MAP4: variants seen among roughly 807,000 people sequenced by gnomAD.
The protein encoded by MAP4 is microtubule-associated protein 4.
In MAP4, 76 loss-of-function variants were observed where a neutral mutation model predicts 170.2. The ratio of observed to expected loss-of-function variants is 0.45; its 90% CI spans 0.37 to 0.54. MAP4 has a LOEUF of 0.54. Among genes scored for constraint, MAP4 ranks in the 20% least tolerant of loss-of-function variants. The probability of loss-of-function intolerance (pLI) is 0.00; values close to 1 mark genes in which losing one functional copy is unlikely to be tolerated. For synonymous variants in MAP4, 909 were observed against 994.5 expected, an observed-to-expected ratio of 0.91 and a Z score of 1.62; for missense variants, 2,506 against 2,748.0, an observed-to-expected ratio of 0.91 and a Z score of 1.97.
intron 3 of MAP4, among the ~76,000 whole-genome samples, chr3:47,942,784 A>C (rs1455578835): frequency 2.6e-5 from 4 of 152,286 alleles, no homozygotes; most frequent in African/African-American, 7.2e-5. Context: ...AAAATGTATA[A>C]AGTTCTTTCA....
At chr3:47,854,004 G>A (rs1342443852) in intron 19 of MAP4, among the ~76,000 whole-genome samples, 1 of 152,242 alleles carries the variant, frequency 6.6e-6, no homozygotes, top group Non-Finnish European at 1.5e-5. Flanking sequence ...AGAGAAGAGA[G>A]AACAGCTGCG....
chr3:47,984,766 C>T (rs934023753), intron 2 of MAP4, among the ~76,000 whole-genome samples: 3 of 151,374 alleles, frequency 2.0e-5, no homozygotes, highest in Admixed American at 2.0e-4. Flanking sequence ...GTCAGGAGTT[C>T]GAGACTAGCC....
At chr3:47,858,620 TTG>T (rs72034058) in intron 17 of MAP4, among the ~76,000 whole-genome samples, 52,936 of 142,148 alleles carry the variant, frequency 0.37, 10,195 homozygotes, top group African/African-American at 0.53. Flanking sequence ...TGTGTGCGCG[TTG>T]TGTGTGTGTG....
At chr3:47,924,091 A>AT (rs1257393352) in intron 4 of MAP4, among the ~76,000 whole-genome samples, 1 of 152,204 alleles carries the variant, frequency 6.6e-6, no homozygotes, top group Non-Finnish European at 1.5e-5. Context: ...TTAGTCATTA[A>AT]TTTTTTACTG....
intron 1 of MAP4, among the ~76,000 whole-genome samples, chr3:48,074,634 G>GAGTAGCT (rs1262318852): frequency 7.0e-6 from 1 of 143,824 alleles, no homozygotes; most frequent in East Asian, 2.1e-4. Context: ...TCACCCTGAT[G>GAGTAGCT]AGTAGCTAGG....
In MAP4 at chr3:47,991,459, C is replaced by T. The variant is rs78124336; in HGVS notation, c.223+7179G>A. On this transcript the variant is annotated intron_variant, in intron 2 of 20. Transcript: ENST00000683076. ...GCTAAGGCAGGAGGATCGCTTGAGG[C>T]CATGAGTTCCAGACCAGCCAGAGGA... 8.9e-3 allele frequency among the ~76,000 whole-genome samples: 1,350 copies of T among 152,190 alleles called. 8 individuals are homozygous for T. The highest frequency in any genetic ancestry group is 0.014 in the South Asian group (69 of 4,816).
At chr3:48,084,211 A>G (rs74374394) in intron 1 of MAP4, among the ~76,000 whole-genome samples, 3 of 149,582 alleles carry the variant, frequency 2.0e-5, no homozygotes, top group Non-Finnish European at 4.5e-5. Context: ...TCAGTCTCAA[A>G]AAAAAAAAAA....
intron 3 of MAP4, among the ~76,000 whole-genome samples, chr3:47,941,306 C>T (rs2100056253): frequency 6.7e-6 from 1 of 149,844 alleles, no homozygotes; most frequent in African/African-American, 2.5e-5. Context: ...AATCAAATAC[C>T]CATAGTTACC....
At chr3:47,951,508 C>T (rs923267644) in intron 3 of MAP4, among the ~76,000 whole-genome samples, 57 of 152,366 alleles carry the variant, frequency 3.7e-4, no homozygotes, top group African/African-American at 1.2e-3. Flanking sequence ...CGCCGCCACG[C>T]CTGACTGGTT....
chr3:48,002,991 A>AAATAAATAAATT (rs1393173347), intron 1 of MAP4, among the ~76,000 whole-genome samples: 47 of 150,650 alleles, frequency 3.1e-4, no homozygotes, highest in African/African-American at 1.1e-3. Flanking sequence ...ATAAATAAAT[A>AAATAAATAAATT]AATTTAATTC....
chr3:47,906,808 A>C (rs7615185), intron 9 of MAP4, among the ~76,000 whole-genome samples: 69 of 150,614 alleles, frequency 4.6e-4, no homozygotes, highest in Middle Eastern at 6.8e-3. Flanking sequence ...AAAAAAAAAC[A>C]AAAAAAAGAG....
chr3:48,010,077 C>T (rs1369487033), intron 1 of MAP4, among the ~76,000 whole-genome samples: 4 of 152,188 alleles, frequency 2.6e-5, no homozygotes, highest in African/African-American at 9.7e-5. Context: ...GGCATCTCTT[C>T]GTATTACCAT....
chr3:47,895,994 G>T (rs1353559414), intron 10 of MAP4, among the ~76,000 whole-genome samples: 1 of 152,116 alleles, frequency 6.6e-6, no homozygotes, highest in Non-Finnish European at 1.5e-5. Context: ...AGAGTTGAAA[G>T]AAGCAATCTG....
At chr3:48,087,492 C>T (rs2100149700) in intron 1 of MAP4, among the ~76,000 whole-genome samples, 1 of 152,068 alleles carries the variant, frequency 6.6e-6, no homozygotes, top group Non-Finnish European at 1.5e-5. Context: ...ATTCCCTCAC[C>T]ACACCCATTT....
At chr3:47,939,579 TG>T (rs1343282049) in intron 3 of MAP4, among the ~76,000 whole-genome samples, 8 of 152,258 alleles carry the variant, frequency 5.3e-5, no homozygotes, top group South Asian at 2.1e-4. Context: ...GGTGACATAA[TG>T]TTTTTTTTTA....
At chr3:48,003,300 AAAT>A (rs1410845220) in intron 1 of MAP4, among the ~76,000 whole-genome samples, 2 of 151,862 alleles carry the variant, frequency 1.3e-5, no homozygotes, top group African/African-American at 4.8e-5. Flanking sequence ...TAAAAATACA[AAAT>A]ATTAGCCAAG....
At chr3:48,068,423 A>C (rs1453545609) in intron 1 of MAP4, among the ~76,000 whole-genome samples, 1 of 152,188 alleles carries the variant, frequency 6.6e-6, no homozygotes, top group Non-Finnish European at 1.5e-5. Context: ...TTTTAGAGGT[A>C]GGATCTCACT....
chr3:47,921,719 A>AT, intron 5 of MAP4, 46 bp downstream of exon 5: 2 of 1,180,788 alleles, frequency 1.7e-6, no homozygotes, highest in Non-Finnish European at 2.5e-6. Flanking sequence ...TAAAGAAAAA[A>AT]TTTTTTTCCT....
chr3:47,966,228 CTTTTTTTTTTTTTTTTTTTTTT>C (rs757460367), intron 3 of MAP4, among the ~76,000 whole-genome samples: 5 of 50,262 alleles, frequency 9.9e-5, no homozygotes, highest in Non-Finnish European at 1.5e-4. Context: ...CCCACACTAC[CTTTTTTTTTTTTTTTTTTTTTT>C]TTTTTTTTTT....
Sources: allele counts gnomAD v4.1 joint callset (sites outside exome capture counted in the v4.1 genomes callset), GRCh38; gene constraint gnomAD v4.1.1; transcripts MANE v1.5; gene names NCBI Gene and HGNC (gene_info 2026-07-23, HGNC 2026-07-21).